The following SAMD4A variants were observed in gnomAD, a reference collection of about 807,000 sequenced individuals.
SAMD4A encodes protein Smaug homolog 1.
Under a neutral mutation model 81.3 loss-of-function variants are expected in SAMD4A, and 33 were observed. That is an observed-to-expected ratio of 0.41 (90% CI 0.31 to 0.54). The LOEUF is 0.54. SAMD4A is among the 20% of genes least tolerant of loss of function. SAMD4A has a pLI of 0.37. For missense variants in SAMD4A, 854 were observed against 951.1 expected (o/e 0.90, Z 1.34); for synonymous variants, 389 against 382.1 (o/e 1.02, Z -0.21).
chr14:54,709,675 G>A (rs943232386), intron 3 of SAMD4A, among the ~76,000 whole-genome samples: 16 of 152,138 alleles, frequency 1.1e-4, no homozygotes, highest in Non-Finnish European at 1.5e-4. Context: ...TCTTCACCAC[G>A]AGCCTGTAGG....
intron 2 of SAMD4A, among the ~76,000 whole-genome samples, chr14:54,638,545 T>G (rs1199985572): frequency 6.6e-6 from 1 of 152,242 alleles, no homozygotes; most frequent in Non-Finnish European, 1.5e-5. Flanking sequence ...AGAGGCTGTT[T>G]GTTAAATTCC....
At chr14:54,758,439 G>A (rs572364620) in intron 6 of SAMD4A, among the ~76,000 whole-genome samples, 24 of 152,212 alleles carry the variant, frequency 1.6e-4, no homozygotes, top group South Asian at 6.2e-4. Context: ...ATTCCCTGAC[G>A]CCATCAAGCA....
chr14:54,578,106 ATTC>A (rs2033357559), intron 2 of SAMD4A, among the ~76,000 whole-genome samples: 2 of 152,140 alleles, frequency 1.3e-5, no homozygotes, highest in African/African-American at 4.8e-5. Flanking sequence ...GACCTCATTT[ATTC>A]TTCTCAATAA....
chr14:54,691,329 C>T (rs931599038), intron 2 of SAMD4A, among the ~76,000 whole-genome samples: 1 of 152,052 alleles, frequency 6.6e-6, no homozygotes, highest in Non-Finnish European at 1.5e-5. Context: ...CCAATGTGGC[C>T]AAAGCCAAGG....
chr14:54,699,612 A>G (rs919133310), intron 2 of SAMD4A, among the ~76,000 whole-genome samples: 1 of 152,268 alleles, frequency 6.6e-6, no homozygotes, highest in African/African-American at 2.4e-5. Flanking sequence ...CTCATTAATG[A>G]TAATGGATAA....
intron 2 of SAMD4A, among the ~76,000 whole-genome samples, chr14:54,669,800 G>A (rs1240030519): frequency 6.6e-6 from 1 of 152,172 alleles, no homozygotes; most frequent in East Asian, 1.9e-4. Context: ...TAGTAGCATG[G>A]AAAGATGACG....
intron 7 of SAMD4A, among the ~76,000 whole-genome samples, chr14:54,763,633 T>C (rs1197360709): frequency 1.3e-5 from 2 of 152,188 alleles, no homozygotes; most frequent in East Asian, 3.9e-4. Flanking sequence ...TCAAGTATGA[T>C]GCCAGGTTTC....
At chr14:54,764,392 G>A in intron 7 of SAMD4A, 63 bp from the exon 8 acceptor site, 2 of 1,096,158 alleles carry the variant, frequency 1.8e-6, no homozygotes, top group Non-Finnish European at 1.4e-6. Context: ...GGAAATGAGA[G>A]TCAGGTCCCA....
chr14:54,702,077 G>A lies in SAMD4A; in HGVS notation c.212G>A (p.Trp71Ter). 6.2e-7 allele frequency: 1 copy of A among 1,613,914 alleles called. No individual in the cohort carries two copies. The highest frequency in any genetic ancestry group is 1.1e-5 in the South Asian group (1 of 91,062). The stretch of plus-strand genomic sequence containing the variant: ...CCCTTTTCAGGAATCATTAACCAAT[G>A]GCAACAGGAATCCAAGGATAAAGTG... The part of the protein sequence containing the change: ...EANSPGIINQ[W>*]QQESKDKVIS... Residue 71 changes from tryptophan to a stop codon, truncating the protein, a stop_gained, in exon 3 of 13, where the codon TGG becomes TAG. Coordinates refer to ENST00000554335, the MANE Select transcript of SAMD4A (RefSeq NM_015589.6). LOFTEE classifies it high-confidence loss of function.
At chr14:54,781,869 C>T (rs1489234922) in intron 11 of SAMD4A, among the ~76,000 whole-genome samples, 2 of 152,194 alleles carry the variant, frequency 1.3e-5, no homozygotes, top group Non-Finnish European at 2.9e-5. Context: ...CTTATACGTG[C>T]GGCGAGATGG....
chr14:54,626,049 TGTGTGTGTGTGC>T (rs1449472870), intron 2 of SAMD4A, among the ~76,000 whole-genome samples: 15 of 128,262 alleles, frequency 1.2e-4, no homozygotes, highest in African/African-American at 4.1e-4. Flanking sequence ...TGTGTGTGTG[TGTGTGTGTGTGC>T]GCGCGCGCGC....
chr14:54,613,468 A>G (rs1015495664), intron 2 of SAMD4A, among the ~76,000 whole-genome samples: 10 of 152,120 alleles, frequency 6.6e-5, no homozygotes, highest in Admixed American at 5.9e-4. Context: ...TATCTTTACA[A>G]TTCACCCAAG....
intron 2 of SAMD4A, among the ~76,000 whole-genome samples, chr14:54,576,423 G>T (rs578028107): frequency 6.6e-6 from 1 of 152,164 alleles, no homozygotes; most frequent in African/African-American, 2.4e-5. Flanking sequence ...AAATAAACTT[G>T]TCTCCGTTTG....
At chr14:54,749,454 A>G (rs2038046078) in intron 5 of SAMD4A, among the ~76,000 whole-genome samples, 1 of 152,220 alleles carries the variant, frequency 6.6e-6, no homozygotes. Flanking sequence ...CATTTTTAAA[A>G]AGTCATGTTC....
At chr14:54,614,992 A>C (rs2034456401) in intron 2 of SAMD4A, among the ~76,000 whole-genome samples, 1 of 152,172 alleles carries the variant, frequency 6.6e-6, no homozygotes, top group African/African-American at 2.4e-5. Context: ...GTGTGTGTTT[A>C]ATTAAGATTA....
At position 54,567,853 on chromosome 14, in the gene SAMD4A, TG is replaced by T; in HGVS notation, c.-60del. On this transcript the variant is annotated 5_prime_UTR_variant, in exon 2 of 13. Transcript: ENST00000554335. ...GCGGGGCTGCGGCTCCGCCAAACTT[TG>T]GGGCGGGCGGGGCGGGCTGGGGCGC... is the stretch of plus-strand genomic sequence containing the variant. The T allele has an allele frequency of 1.6e-6, 2 of 1,259,840 alleles. No homozygotes were observed. Among genetic ancestry groups the T allele is most frequent in the East Asian group, 4.2e-5 (1 of 23,716 alleles). 78.0% of individuals were successfully genotyped at this position (1,259,840 alleles called of 1,614,324 possible).
chr14:54,780,534 G>A (rs576433224), intron 11 of SAMD4A, among the ~76,000 whole-genome samples: 2 of 152,306 alleles, frequency 1.3e-5, no homozygotes, highest in East Asian at 1.9e-4. Context: ...GTACAGTACT[G>A]GATAAATATT....
intron 4 of SAMD4A, among the ~76,000 whole-genome samples, chr14:54,743,143 T>C (rs886468067): frequency 5.1e-4 from 77 of 152,022 alleles, no homozygotes; most frequent in African/African-American, 1.8e-3. Flanking sequence ...GTCACAGAGG[T>C]CTGAGTGATG....
At position 54,642,387 on chromosome 14, in the gene SAMD4A, G is replaced by C. The variant is rs571376555; in HGVS notation, c.197-59675G>C. 6.6e-5 allele frequency among the ~76,000 whole-genome samples: 10 copies of C among 152,312 alleles called. No homozygotes were observed. The South Asian group carries it at 2.1e-3, about 32-fold the overall frequency. On this transcript the variant is annotated intron_variant, in intron 2 of 12. Transcript: ENST00000554335. ...CTGGGAATTGGTGGTGGGTAGAGGA[G>C]ACACAAAAGTGGAAGCTGGTGTTAC...
Sources: gnomAD v4.1 joint callset for allele counts (sites outside exome capture counted in the v4.1 genomes callset) on GRCh38, gnomAD v4.1.1 for gene constraint, MANE v1.5 for transcripts, NCBI Gene and HGNC (gene_info 2026-07-23, HGNC 2026-07-21) for gene names.